Variants in RC3H1 observed in about 807,000 individuals in gnomAD.
RC3H1 encodes the protein roquin-1.
A neutral mutation model predicts 138.2 loss-of-function variants in RC3H1; 50 were observed. The observed-to-expected ratio is 0.36, with a 90% CI of 0.29 to 0.46. The LOEUF is 0.46. Ranked by LOEUF, RC3H1 falls within the 20% of genes least tolerant of loss-of-function variation. The probability of loss-of-function intolerance (pLI) is 1.00; values close to 1 mark genes in which losing one functional copy is unlikely to be tolerated. For synonymous variants in RC3H1, 462 were observed against 489.1 expected, an observed-to-expected ratio of 0.94 and a Z score of 0.73; for missense variants, 1,031 against 1,388.1, an observed-to-expected ratio of 0.74 and a Z score of 4.09.
At chr1:173,961,632 C>A (rs1659882396) in intron 12 of RC3H1, 93 bp downstream of exon 12, 10 of 1,125,052 alleles carry the variant, frequency 8.9e-6, no homozygotes, top group Middle Eastern at 3.2e-4. Context: ...AAAAAGAATT[C>A]ATCAAAGGGT....
At chr1:174,013,723 A>G (rs148278635) in intron 1 of RC3H1, among the ~76,000 whole-genome samples, 4,999 of 151,714 alleles carry the variant, frequency 0.033, 102 homozygotes, top group Middle Eastern at 0.095. Context: ...GTGAGCCACC[A>G]TGCTCAGCCA....
At chr1:174,013,881 C>T (rs1277814737) in intron 1 of RC3H1, among the ~76,000 whole-genome samples, 1 of 152,048 alleles carries the variant, frequency 6.6e-6, no homozygotes, top group Non-Finnish European at 1.5e-5. Context: ...GAGTTCAAGA[C>T]CAATCTCTAT....
chr1:173,997,803 A>C (rs773609193), intron 1 of RC3H1, among the ~76,000 whole-genome samples: 2 of 152,194 alleles, frequency 1.3e-5, no homozygotes, highest in Non-Finnish European at 2.9e-5. Flanking sequence ...AGTCACTCTT[A>C]GATGACCCTA....
chr1:174,012,762 C>T (rs577786748), intron 1 of RC3H1, among the ~76,000 whole-genome samples: 8 of 143,216 alleles, frequency 5.6e-5, no homozygotes, highest in Admixed American at 2.8e-4. Context: ...CCAGCCTGGG[C>T]GACAAGAGTG....
intron 1 of RC3H1, among the ~76,000 whole-genome samples, chr1:173,996,392 A>C (rs1321894183): frequency 6.6e-6 from 1 of 152,214 alleles, no homozygotes; most frequent in East Asian, 1.9e-4. Context: ...GAATGGAAGA[A>C]AAAGGTCTGA....
At chr1:173,990,574 A>T (rs529720166) in intron 2 of RC3H1, among the ~76,000 whole-genome samples, 71 of 140,458 alleles carry the variant, frequency 5.1e-4, no homozygotes, top group East Asian at 2.8e-3. Flanking sequence ...TATTATTATT[A>T]TTTATTTTTT....
intron 19 of RC3H1, among the ~76,000 whole-genome samples, chr1:173,939,355 T>C (rs578222925): frequency 7.7e-4 from 117 of 151,154 alleles, no homozygotes; most frequent in Non-Finnish European, 1.1e-3. Flanking sequence ...CTGGCCAACA[T>C]GGTGAAACCC....
intron 17 of RC3H1, among the ~76,000 whole-genome samples, chr1:173,944,416 C>G (rs114270769): frequency 1.3e-5 from 2 of 151,994 alleles, no homozygotes; most frequent in Admixed American, 6.6e-5. Flanking sequence ...AAAAATCATG[C>G]ATGTGGTGGG....
In RC3H1 at chr1:173,961,841, T is replaced by A. The variant is rs1016995174; in HGVS notation, c.2086A>T (p.Ile696Phe). 1.7e-5 allele frequency: 28 copies of A among 1,613,986 alleles called. No individual in the cohort carries two copies. Among genetic ancestry groups the A allele is most frequent in the Non-Finnish European group, 2.4e-5 (28 of 1,180,046 alleles). Reference protein sequence around the residue: ...IFRESPIPIEIPPAAVPSYVP... With the variant: ...IFRESPIPIEFPPAAVPSYVP... The stretch of plus-strand genomic sequence containing the variant: ...TACGATGGTACTGCTGCAGGTGGAA[T>A]CTCAATGGGTATAGGGCTTTCTCGG... Residue 696 changes from isoleucine to phenylalanine, a missense_variant, in exon 12 of 20, where the codon ATT (isoleucine) becomes TTT (phenylalanine). Transcript: ENST00000367696.
At chr1:173,974,908 G>C (rs1343417998) in intron 7 of RC3H1, among the ~76,000 whole-genome samples, 1 of 152,178 alleles carries the variant, frequency 6.6e-6, no homozygotes, top group Non-Finnish European at 1.5e-5. Flanking sequence ...ATTCTGGATG[G>C]ATTTTAAAGG....
chr1:173,986,685 C>T (rs1487160713), intron 2 of RC3H1, among the ~76,000 whole-genome samples: 1 of 152,220 alleles, frequency 6.6e-6, no homozygotes, highest in Non-Finnish European at 1.5e-5. Flanking sequence ...GCCTCAGCCT[C>T]CTGAGTAGCT....
rs1299331140 is a variant in RC3H1 at position 173,964,110 on chromosome 1, A to C, written c.1694T>G (p.Leu565Arg). ...HSIPPRGPAD[L>R]PPMPVTKPLQ... is the part of the protein sequence containing the mutation. The stretch of plus-strand genomic sequence containing the variant: ...TGGTTTGGTAACAGGCATTGGAGGC[A>C]GATCTGCTGGCCCCCTTGGAGGTAT... Residue 565 changes from leucine (L) to arginine (R), a missense_variant, in exon 11 of 20, where the codon CTG (leucine) becomes CGG (arginine). Transcript: ENST00000367696. The C allele has an allele frequency of 2.5e-6, 4 of 1,614,084 alleles. No individual in the cohort carries two copies. Among genetic ancestry groups the C allele is most frequent in the Non-Finnish European group, 3.4e-6 (4 of 1,180,024 alleles).
At chr1:173,965,160 A>G (rs1230254229) in intron 9 of RC3H1, 40 bp from the exon 10 acceptor site, 26 of 1,551,046 alleles carry the variant, frequency 1.7e-5, no homozygotes, top group Non-Finnish European at 2.3e-5. Flanking sequence ...AAGCAAATAT[A>G]AAAGCAAAAC....
chr1:173,938,683 G>C lies in RC3H1; in HGVS notation c.*38C>G, dbSNP rs377229379. ...CTCCTACCCCTATGCCCGACAAACT[G>C]ATTAGGAGCAGAAGATAAAAGTAGG... On this transcript the variant is annotated 3_prime_UTR_variant, in exon 20 of 20. Coordinates refer to ENST00000367696, the MANE Select transcript of RC3H1 (RefSeq NM_172071.4). 20 of 1,525,832 alleles carry C rather than the reference G, an allele frequency of 1.3e-5. 1 individual carries two copies. Among genetic ancestry groups the C allele is most frequent in the Non-Finnish European group, 1.8e-5 (20 of 1,123,602 alleles). 94.5% of individuals were successfully genotyped at this position (1,525,832 alleles called of 1,614,324 possible).
intron 10 of RC3H1, 78 bp downstream of exon 10, chr1:173,964,761 C>A: frequency 5.5e-6 from 7 of 1,269,608 alleles, no homozygotes; most frequent in East Asian, 4.8e-5. Context: ...TTTTTTAAAT[C>A]CCAAACATTA....
chr1:173,949,962 T>G (rs879320206), intron 14 of RC3H1, among the ~76,000 whole-genome samples: 1 of 151,448 alleles, frequency 6.6e-6, no homozygotes, highest in African/African-American at 2.4e-5. Context: ...AAGTCAGGAG[T>G]TCGAGACGAG....
At chr1:173,952,179 A>G (rs1270133591) in intron 13 of RC3H1, 41 bp from the exon 14 acceptor site, 4 of 1,419,054 alleles carry the variant, frequency 2.8e-6, no homozygotes, top group Non-Finnish European at 3.8e-6. Context: ...AAAAAAAAAG[A>G]GAAAGAAACA....
intron 15 of RC3H1, 119 bp downstream of exon 15, chr1:173,947,250 G>C: frequency 1.4e-6 from 1 of 700,596 alleles, no homozygotes; most frequent in Non-Finnish European, 2.4e-6. Flanking sequence ...TCCATGGAAA[G>C]TTTGAAAATT....
At chr1:173,955,225 CAA>C (rs560354496) in intron 13 of RC3H1, among the ~76,000 whole-genome samples, 2,432 of 60,740 alleles carry the variant, frequency 0.04, 22 homozygotes, top group Middle Eastern at 0.085. Context: ...AACTCTGTCA[CAA>C]AAAAAAAAAA....
Sources: gnomAD v4.1 joint callset for allele counts (sites outside exome capture counted in the v4.1 genomes callset) on GRCh38, gnomAD v4.1.1 for gene constraint, MANE v1.5 for transcripts, NCBI Gene and HGNC (gene_info 2026-07-23, HGNC 2026-07-21) for gene names.